The following NAALADL2 variants were observed in gnomAD, a reference collection of about 807,000 sequenced individuals.
NAALADL2 encodes N-acetylated alpha-linked acidic dipeptidase like 2, also known as inactive N-acetylated-alpha-linked acidic dipeptidase-like protein 2.
In NAALADL2, 76 loss-of-function variants were observed where a neutral mutation model predicts 87.2. The observed-to-expected ratio is 0.87, with a 90% CI of 0.72 to 1.05. The LOEUF is 1.05. Among genes scored for constraint, NAALADL2 ranks in the 50% least tolerant of loss-of-function variants. NAALADL2 has a pLI of 0.00. For synonymous variants in NAALADL2, 354 were observed against 331.0 expected, an observed-to-expected ratio of 1.07 and a Z score of -0.75; for missense variants, 1,089 against 945.8, an observed-to-expected ratio of 1.15 and a Z score of -1.99.
intron 3 of NAALADL2, among the ~76,000 whole-genome samples, chr3:175,250,580 A>G (rs1748877989): frequency 6.6e-6 from 1 of 152,002 alleles, no homozygotes; most frequent in African/African-American, 2.4e-5. Context: ...TGGTGCCCTC[A>G]ACAGTGTCTT....
Position 174,800,543 on chromosome 3 carries a change from C to T in NAALADL2, c.-9+62797C>T, listed in dbSNP as rs187706028. On this transcript the variant is annotated intron_variant, in intron 3 of 3. Transcript: ENST00000434257. Reference sequence around the variant, plus strand: ...ATAGAGGTGGGGCCCTCATGGAGAACCTCTGCTAGGGCAATGCAGAAGGGA... The same window carrying T: ...ATAGAGGTGGGGCCCTCATGGAGAATCTCTGCTAGGGCAATGCAGAAGGGA... Among the ~76,000 whole-genome samples, 4 of 152,290 alleles carry T rather than the reference C, an allele frequency of 2.6e-5. No homozygotes were observed. The East Asian group carries it at 7.7e-4, about 29-fold the overall frequency.
At chr3:175,050,554 C>T (rs1433201606) in intron 1 of NAALADL2, among the ~76,000 whole-genome samples, 1 of 152,060 alleles carries the variant, frequency 6.6e-6, no homozygotes, top group Non-Finnish European at 1.5e-5. Flanking sequence ...TGTTTTCTGA[C>T]CAGAAATATA....
intron 5 of NAALADL2, among the ~76,000 whole-genome samples, chr3:175,411,544 C>T (rs1458110260): frequency 6.6e-6 from 1 of 151,922 alleles, no homozygotes; most frequent in Admixed American, 6.6e-5. Context: ...AGACCTCCAA[C>T]TTGTAATAAA....
chr3:174,609,973 T>G (rs553392600), intron 2 of NAALADL2, among the ~76,000 whole-genome samples: 1 of 152,010 alleles, frequency 6.6e-6, no homozygotes, highest in Admixed American at 6.5e-5. Context: ...GAGATATAGA[T>G]CAATGGAACA....
intron 13 of NAALADL2, among the ~76,000 whole-genome samples, chr3:175,782,016 C>A (rs1378135937): frequency 2.0e-5 from 3 of 151,296 alleles, no homozygotes; most frequent in Non-Finnish European, 4.4e-5. Context: ...TCATCCATGT[C>A]CCTACAAAGG....
intron 1 of NAALADL2, among the ~76,000 whole-genome samples, chr3:174,882,903 G>GTA (rs935295579): frequency 5.3e-5 from 8 of 149,858 alleles, no homozygotes; most frequent in Non-Finnish European, 8.9e-5. Flanking sequence ...ATATATATGT[G>GTA]TATATATATG....
chr3:174,838,310 C>G (rs1183292034), intron 3 of NAALADL2, among the ~76,000 whole-genome samples: 2 of 152,124 alleles, frequency 1.3e-5, no homozygotes, highest in Admixed American at 6.5e-5. Flanking sequence ...ATGATTAAAA[C>G]TCTCAGCAAA....
chr3:175,138,137 G>A (rs1335851856), intron 2 of NAALADL2, among the ~76,000 whole-genome samples: 1 of 152,184 alleles, frequency 6.6e-6, no homozygotes, highest in South Asian at 2.1e-4. Context: ...AGGATGGAGT[G>A]AGAAATGCAA....
At chr3:174,450,426 A>G (rs890538826) in intron 1 of NAALADL2, among the ~76,000 whole-genome samples, 3 of 152,224 alleles carry the variant, frequency 2.0e-5, no homozygotes, top group Non-Finnish European at 2.9e-5. Flanking sequence ...TTGCCTAGGC[A>G]GTTATGGTAG....
At chr3:174,926,621 G>A (rs1442289740) in intron 1 of NAALADL2, among the ~76,000 whole-genome samples, 5 of 151,994 alleles carry the variant, frequency 3.3e-5, no homozygotes, top group African/African-American at 4.8e-5. Flanking sequence ...CATAAGTGAA[G>A]GAGAAATAAA....
intron 1 of NAALADL2, among the ~76,000 whole-genome samples, chr3:174,444,999 ACCTT>A (rs1714941073): frequency 6.6e-6 from 1 of 151,304 alleles, no homozygotes; most frequent in African/African-American, 2.4e-5. Flanking sequence ...TGGAAATGGA[ACCTT>A]GTTTGAGATT....
At position 175,068,972 on chromosome 3, in the gene NAALADL2, G is replaced by T. The variant is rs576680411; in HGVS notation, c.44-27818G>T. Among the ~76,000 whole-genome samples, 6 of 152,066 alleles carry T rather than the reference G, an allele frequency of 3.9e-5. No individual in the cohort carries two copies. The South Asian group carries it at 1.2e-3, about 32-fold the overall frequency. ...CTTATGTTTTAATTGTTTGGGGGAG[G>T]AGAGAGTTCCAAAAACTGTATTTTA... On this transcript the variant is annotated intron_variant, in intron 1 of 13. Transcript: ENST00000454872.
chr3:175,538,324 C>T (rs1247516052), intron 9 of NAALADL2, among the ~76,000 whole-genome samples: 1 of 151,382 alleles, frequency 6.6e-6, no homozygotes, highest in African/African-American at 2.4e-5. Flanking sequence ...AAACCTAAAA[C>T]AGGGTATAAA....
At chr3:174,888,007 G>A (rs2109770669) in intron 1 of NAALADL2, among the ~76,000 whole-genome samples, 1 of 152,270 alleles carries the variant, frequency 6.6e-6, no homozygotes, top group African/African-American at 2.4e-5. Context: ...GAGTGTATAA[G>A]GAAAGCTGAT....
intron 9 of NAALADL2, among the ~76,000 whole-genome samples, chr3:175,550,515 C>T (rs6794339): frequency 0.92 from 140,475 of 152,210 alleles, 64,890 homozygotes; most frequent in Admixed American, 0.95. Context: ...TATAGCCAAG[C>T]TATTTTTACT....
At chr3:175,207,112 T>C (rs1254472172) in intron 2 of NAALADL2, among the ~76,000 whole-genome samples, 3 of 152,138 alleles carry the variant, frequency 2.0e-5, no homozygotes, top group Non-Finnish European at 2.9e-5. Context: ...ATAAATGCAT[T>C]AGAGTATATA....
At chr3:175,302,282 A>G (rs1163885613) in intron 4 of NAALADL2, among the ~76,000 whole-genome samples, 1 of 152,222 alleles carries the variant, frequency 6.6e-6, no homozygotes, top group African/African-American at 2.4e-5. Flanking sequence ...ATGATGGGTA[A>G]GAATAAATCC....
At chr3:174,745,531 C>A (rs140707468) in intron 3 of NAALADL2, among the ~76,000 whole-genome samples, 3 of 152,254 alleles carry the variant, frequency 2.0e-5, no homozygotes, top group Non-Finnish European at 2.9e-5. Flanking sequence ...TGGTACCATT[C>A]CTTATGAAAC....
intron 10 of NAALADL2, among the ~76,000 whole-genome samples, chr3:175,618,424 A>T (rs1264786352): frequency 1.3e-5 from 2 of 152,142 alleles, no homozygotes; most frequent in Non-Finnish European, 2.9e-5. Flanking sequence ...CCTGCTGGAG[A>T]CATCTCTGCA....
Sources: gnomAD v4.1 joint callset for allele counts (sites outside exome capture counted in the v4.1 genomes callset) on GRCh38, gnomAD v4.1.1 for gene constraint, MANE v1.5 for transcripts, NCBI Gene and HGNC (gene_info 2026-07-23, HGNC 2026-07-21) for gene names.